Variants in COL23A1 observed in about 807,000 individuals in gnomAD.
The protein encoded by COL23A1 is collagen type XXIII alpha 1 chain.
Under a neutral mutation model 99.3 loss-of-function variants are expected in COL23A1, and 97 were observed. The observed-to-expected ratio is 0.98, with a 90% CI of 0.83 to 1.16. The LOEUF is 1.16. Among genes scored for constraint, COL23A1 ranks in the 50% most tolerant of loss-of-function variants. The pLI is 0.00. For synonymous variants in COL23A1, 320 were observed against 308.2 expected, an observed-to-expected ratio of 1.04 and a Z score of -0.40; for missense variants, 762 against 757.4, an observed-to-expected ratio of 1.01 and a Z score of -0.07.
intron 17 of COL23A1, among the ~76,000 whole-genome samples, chr5:178,251,961 T>C (rs985265764): frequency 2.0e-5 from 3 of 150,470 alleles, no homozygotes; most frequent in Non-Finnish European, 4.4e-5. Context: ...TTGCCCAGGC[T>C]GGAGTTCAGT....
Position 178,387,913 on chromosome 5 carries a change from G to A in COL23A1, c.362-80994C>T, listed in dbSNP as rs1036120842. 2.0e-5 allele frequency among the ~76,000 whole-genome samples: 3 copies of A among 151,980 alleles called. No homozygotes were observed. The highest frequency in any genetic ancestry group is 4.4e-5 in the Non-Finnish European group (3 of 68,034). Reference sequence around the variant, plus strand: ...GGCCTCCTCCCAAGATGTGGCAGCTGTGGTGGCACTGCAAGAACTGCCAGT... The same window carrying A: ...GGCCTCCTCCCAAGATGTGGCAGCTATGGTGGCACTGCAAGAACTGCCAGT... On this transcript the variant is annotated intron_variant, in intron 2 of 28. Transcript: ENST00000390654. The surrounding 1 kb of genome is among the most constrained non-coding windows in gnomAD (Gnocchi z 4.7).
intron 27 of COL23A1, 106 bp from the exon 28 acceptor site, chr5:178,239,285 C>A: frequency 7.9e-7 from 1 of 1,273,580 alleles, no homozygotes. Context: ...AGGGAGCGGC[C>A]ATGTGAGACT....
chr5:178,359,839 A>G (rs1450784742), intron 2 of COL23A1, among the ~76,000 whole-genome samples: 3 of 152,218 alleles, frequency 2.0e-5, no homozygotes, highest in African/African-American at 7.2e-5. Context: ...ATGGAGCAGG[A>G]CTGGGATGGC....
intron 2 of COL23A1, among the ~76,000 whole-genome samples, chr5:178,462,440 A>G (rs1426422782): frequency 6.6e-6 from 1 of 152,228 alleles, no homozygotes; most frequent in Non-Finnish European, 1.5e-5. Flanking sequence ...TCAGTCATTT[A>G]AAGGAATAAA....
chr5:178,412,928 C>T (rs111443777), intron 2 of COL23A1, among the ~76,000 whole-genome samples: 4 of 152,180 alleles, frequency 2.6e-5, no homozygotes, highest in African/African-American at 9.6e-5. Flanking sequence ...CCAGTCTTCA[C>T]CCAAGAATGA....
chr5:178,283,575 C>A lies in COL23A1; in HGVS notation c.441+4749G>T, dbSNP rs114929458. Among the ~76,000 whole-genome samples, 995 of 152,302 alleles carry A rather than the reference C, an allele frequency of 6.5e-3. 8 individuals are homozygous for A. Among genetic ancestry groups the A allele is most frequent in the African/African-American group, 0.023 (958 of 41,554 alleles). On this transcript the variant is annotated intron_variant, in intron 5 of 28. Transcript: ENST00000390654. The stretch of plus-strand genomic sequence containing the variant: ...CTCTTGTAAGTACATTAAATGATAT[C>A]GAAGAAATGTTTAAATAGCTTTCTG...
intron 2 of COL23A1, among the ~76,000 whole-genome samples, chr5:178,357,976 ATATATGTGTG>A (rs1561895396): frequency 1.1e-5 from 1 of 88,836 alleles, no homozygotes; most frequent in Non-Finnish European, 2.5e-5. Context: ...GTGTATGTGT[ATATATGTGTG>A]TATGCGTGTG....
At chr5:178,554,341 G>C (rs1040083473) in intron 2 of COL23A1, among the ~76,000 whole-genome samples, 2 of 152,104 alleles carry the variant, frequency 1.3e-5, no homozygotes, top group Admixed American at 1.3e-4. Flanking sequence ...ACTATGCCCA[G>C]CTAATTTTTG....
intron 16 of COL23A1, among the ~76,000 whole-genome samples, chr5:178,253,607 C>T (rs964197700): frequency 6.6e-6 from 1 of 151,836 alleles, no homozygotes; most frequent in Non-Finnish European, 1.5e-5. Flanking sequence ...CTCAGCCTCC[C>T]GAGTAGCTGA....
intron 2 of COL23A1, among the ~76,000 whole-genome samples, chr5:178,381,675 G>A (rs949787354): frequency 6.6e-5 from 10 of 152,126 alleles, no homozygotes; most frequent in South Asian, 2.1e-4. Flanking sequence ...TTGCTGTGTC[G>A]CCTACGCTGG....
intron 2 of COL23A1, among the ~76,000 whole-genome samples, chr5:178,479,071 G>A (rs954064290): frequency 1.3e-5 from 2 of 151,844 alleles, no homozygotes; most frequent in Non-Finnish European, 2.9e-5. Context: ...AGTGGCCCAG[G>A]ACCTTCATCA....
intron 2 of COL23A1, among the ~76,000 whole-genome samples, chr5:178,505,898 C>G (rs141153123): frequency 6.6e-6 from 1 of 152,052 alleles, no homozygotes; most frequent in Non-Finnish European, 1.5e-5. Flanking sequence ...GTGCAAACAC[C>G]TTCTGAGACA....
chr5:178,547,871 C>A (rs1212581801), intron 2 of COL23A1, among the ~76,000 whole-genome samples: 1 of 64,450 alleles, frequency 1.6e-5, no homozygotes, highest in Non-Finnish European at 3.1e-5. Context: ...ACACCCACAC[C>A]CCCATACACA....
chr5:178,473,829 G>A (rs1317395382), intron 2 of COL23A1, among the ~76,000 whole-genome samples: 4 of 152,134 alleles, frequency 2.6e-5, no homozygotes, highest in Admixed American at 6.5e-5. Flanking sequence ...TTTATTTATG[G>A]TTGCTTTAAA....
chr5:178,460,744 T>C (rs1219992064), intron 2 of COL23A1, among the ~76,000 whole-genome samples: 5 of 152,192 alleles, frequency 3.3e-5, no homozygotes, highest in African/African-American at 9.6e-5. Context: ...TCCCCTGGCA[T>C]GCATGGACAT....
At chr5:178,390,913 A>G (rs192351032) in intron 2 of COL23A1, among the ~76,000 whole-genome samples, 13 of 152,370 alleles carry the variant, frequency 8.5e-5, no homozygotes, top group Admixed American at 7.8e-4. Context: ...TAAGCAACCA[A>G]AGGAGCAATA....
intron 2 of COL23A1, among the ~76,000 whole-genome samples, chr5:178,558,286 G>A (rs1412407529): frequency 2.6e-5 from 4 of 152,008 alleles, no homozygotes; most frequent in Non-Finnish European, 4.4e-5. Context: ...CCCAGAGCCC[G>A]CTTCAAGATG....
intron 2 of COL23A1, among the ~76,000 whole-genome samples, chr5:178,487,596 A>C (rs571137669): frequency 6.6e-6 from 1 of 152,252 alleles, no homozygotes; most frequent in South Asian, 2.1e-4. Context: ...TGGGGCTGTA[A>C]GGTTCCCAAT....
intron 2 of COL23A1, among the ~76,000 whole-genome samples, chr5:178,520,091 G>A (rs1383415996): frequency 1.3e-5 from 2 of 152,178 alleles, no homozygotes; most frequent in African/African-American, 4.8e-5. Context: ...ATGGAGGATG[G>A]TTAGATGGAT....
Sources: allele counts gnomAD v4.1 joint callset (sites outside exome capture counted in the v4.1 genomes callset), GRCh38; gene constraint gnomAD v4.1.1; non-coding constraint Gnocchi (gnomAD v3.1); transcripts MANE v1.5; gene names NCBI Gene and HGNC (gene_info 2026-07-23, HGNC 2026-07-21).